Variants in KIAA1328 observed in about 807,000 individuals in gnomAD.
The protein encoded by KIAA1328 is KIAA1328, also known as protein hinderin.
Under a neutral mutation model 68.1 loss-of-function variants are expected in KIAA1328, and 52 were observed. The ratio of observed to expected loss-of-function variants is 0.76; its 90% CI spans 0.61 to 0.96. KIAA1328 has a LOEUF of 0.96. Ranked by LOEUF, KIAA1328 falls within the 40% of genes least tolerant of loss-of-function variation. The pLI is 0.00. For synonymous variants in KIAA1328, 232 were observed against 239.4 expected (o/e 0.97, Z 0.28); for missense variants, 641 against 677.6 (o/e 0.95, Z 0.60).
At chr18:36,918,453 G>A (rs1440521247) in intron 5 of KIAA1328, among the ~76,000 whole-genome samples, 5 of 146,004 alleles carry the variant, frequency 3.4e-5, no homozygotes, top group African/African-American at 1.3e-4. Flanking sequence ...TGCTGTGTCG[G>A]CCAGGCTAGA....
At chr18:37,046,465 A>G (rs915489559) in intron 6 of KIAA1328, among the ~76,000 whole-genome samples, 1 of 152,156 alleles carries the variant, frequency 6.6e-6, no homozygotes, top group Non-Finnish European at 1.5e-5. Context: ...CTGTGAGACT[A>G]CTTAAAGCTC....
At chr18:37,044,176 A>G (rs1300386545) in intron 6 of KIAA1328, among the ~76,000 whole-genome samples, 3 of 152,162 alleles carry the variant, frequency 2.0e-5, no homozygotes, top group Non-Finnish European at 4.4e-5. Flanking sequence ...CCATTGTTTG[A>G]TTATAATGTA....
chr18:36,843,100 A>G (rs983637005), intron 3 of KIAA1328, among the ~76,000 whole-genome samples: 2 of 152,118 alleles, frequency 1.3e-5, no homozygotes, highest in Non-Finnish European at 2.9e-5. Flanking sequence ...AAAAATCTTA[A>G]CATTATCCAT....
chr18:37,112,075 T>A (rs1346046353), intron 7 of KIAA1328, among the ~76,000 whole-genome samples: 1 of 152,212 alleles, frequency 6.6e-6, no homozygotes, highest in African/African-American at 2.4e-5. Flanking sequence ...TGCCTGCCTC[T>A]GTAGACTCCA....
At chr18:36,852,307 G>A (rs2047238259) in intron 4 of KIAA1328, among the ~76,000 whole-genome samples, 2 of 152,228 alleles carry the variant, frequency 1.3e-5, no homozygotes, top group South Asian at 4.1e-4. Flanking sequence ...TGGTTATTGT[G>A]TTGTTCAAGT....
At chr18:37,079,780 A>G (rs1185682602) in intron 7 of KIAA1328, among the ~76,000 whole-genome samples, 2 of 151,254 alleles carry the variant, frequency 1.3e-5, no homozygotes, top group African/African-American at 4.9e-5. Flanking sequence ...CTAGCTACTC[A>G]GGATGCTTAG....
chr18:36,867,831 G>A (rs546988030), intron 4 of KIAA1328, among the ~76,000 whole-genome samples: 66 of 152,294 alleles, frequency 4.3e-4, no homozygotes, highest in Non-Finnish European at 9.1e-4. Context: ...AAAGACAGTA[G>A]TAACAAGCTC....
chr18:37,131,441 T>C (rs149736714), intron 7 of KIAA1328, among the ~76,000 whole-genome samples: 50 of 152,272 alleles, frequency 3.3e-4, no homozygotes, highest in Non-Finnish European at 6.9e-4. Flanking sequence ...GAGGTTTGCA[T>C]CTCCAAATGA....
chr18:37,089,287 C>A (rs2057196747), intron 7 of KIAA1328, among the ~76,000 whole-genome samples: 1 of 147,312 alleles, frequency 6.8e-6, no homozygotes, highest in South Asian at 2.2e-4. Flanking sequence ...CTTTGCATTT[C>A]TTTTATAGTC....
chr18:37,002,611 A>G (rs1239149591), intron 6 of KIAA1328, among the ~76,000 whole-genome samples: 3 of 152,054 alleles, frequency 2.0e-5, no homozygotes, highest in Non-Finnish European at 4.4e-5. Flanking sequence ...TCCAAAAAAT[A>G]TATACCTAGG....
intron 6 of KIAA1328, among the ~76,000 whole-genome samples, chr18:37,006,106 TGAA>T (rs751750232): frequency 0.027 from 4,124 of 152,152 alleles, 78 homozygotes; most frequent in Middle Eastern, 0.058. Context: ...TACCCTGACT[TGAA>T]CACTAGGCAT....
At chr18:36,945,473 C>T (rs1344577140) in intron 5 of KIAA1328, among the ~76,000 whole-genome samples, 1 of 152,224 alleles carries the variant, frequency 6.6e-6, no homozygotes, top group East Asian at 1.9e-4. Context: ...TTCAAAGAGA[C>T]AAGTAATGAA....
At chr18:37,156,575 G>A (rs16968574) in intron 7 of KIAA1328, among the ~76,000 whole-genome samples, 1 of 151,940 alleles carries the variant, frequency 6.6e-6, no homozygotes, top group East Asian at 1.9e-4. Context: ...GGCCCATAAA[G>A]TGTGTTCTTC....
intron 6 of KIAA1328, among the ~76,000 whole-genome samples, chr18:36,976,120 C>T (rs551641734): frequency 2.2e-4 from 33 of 152,334 alleles, no homozygotes; most frequent in African/African-American, 7.5e-4. Flanking sequence ...ATGATAGCAA[C>T]TCACCATGTG....
chr18:36,878,474 T>C (rs1478564825), intron 4 of KIAA1328, among the ~76,000 whole-genome samples: 2 of 152,186 alleles, frequency 1.3e-5, no homozygotes, highest in Non-Finnish European at 2.9e-5. Flanking sequence ...CCTTGATGAA[T>C]CTGGTGATTA....
At chr18:37,133,759 C>T (rs1046997689) in intron 7 of KIAA1328, among the ~76,000 whole-genome samples, 10 of 151,914 alleles carry the variant, frequency 6.6e-5, no homozygotes, top group Non-Finnish European at 1.0e-4. Context: ...TCCCTGACCT[C>T]GTGATCGGCC....
intron 7 of KIAA1328, among the ~76,000 whole-genome samples, chr18:37,079,660 G>T (rs1374628114): frequency 6.6e-6 from 1 of 151,912 alleles, no homozygotes. Context: ...AGGCCGAGGT[G>T]GTGGATCACC....
intron 7 of KIAA1328, among the ~76,000 whole-genome samples, chr18:37,079,128 C>T (rs1226721672): frequency 7.1e-6 from 1 of 140,768 alleles, no homozygotes; most frequent in Non-Finnish European, 1.5e-5. Context: ...GGCACATATA[C>T]ACCATGGAAT....
chr18:36,875,798 A>G (rs951095361), intron 4 of KIAA1328, among the ~76,000 whole-genome samples: 3 of 152,100 alleles, frequency 2.0e-5, no homozygotes, highest in Non-Finnish European at 2.9e-5. Context: ...GATATTGGCT[A>G]TGGGTTTGTC....
Sources: gnomAD v4.1 joint callset for allele counts (sites outside exome capture counted in the v4.1 genomes callset) on GRCh38, gnomAD v4.1.1 for gene constraint, MANE v1.5 for transcripts, NCBI Gene and HGNC (gene_info 2026-07-23, HGNC 2026-07-21) for gene names.